ADAP1: variants seen among roughly 807,000 people sequenced by gnomAD.
The protein encoded by ADAP1 is arf-GAP with dual PH domain-containing protein 1.
ADAP1 carries 31 observed loss-of-function variants against 54.9 expected under a neutral mutation model. That is an observed-to-expected ratio of 0.56 (90% CI 0.42 to 0.76). The LOEUF (loss-of-function observed/expected upper bound fraction) is 0.76, where lower values mean the gene tolerates loss of function less well. Ranked by LOEUF, ADAP1 falls within the 30% of genes least tolerant of loss-of-function variation. The pLI is 0.00. For missense variants in ADAP1, 535 were observed against 512.4 expected (o/e 1.04, Z -0.42); for synonymous variants, 313 against 202.6 (o/e 1.55, Z -4.63).
At chr7:921,584 C>G (rs10807831) in intron 3 of ADAP1, among the ~76,000 whole-genome samples, 132,577 of 152,278 alleles carry the variant, frequency 0.87, 57,991 homozygotes, top group East Asian at 0.97. Context: ...TACAGGGCTG[C>G]GATTACAGGT....
chr7:899,669 C>T (rs1044161667), intron 8 of ADAP1, among the ~76,000 whole-genome samples, 179 bp from the exon 9 acceptor site: 5 of 152,204 alleles, frequency 3.3e-5, no homozygotes, highest in African/African-American at 9.6e-5. Context: ...CCTCCAGCCT[C>T]CACACGGCAC....
chr7:914,653 A>G (rs76406292), intron 4 of ADAP1, among the ~76,000 whole-genome samples: 2,158 of 152,268 alleles, frequency 0.014, 48 homozygotes, highest in African/African-American at 0.049. Flanking sequence ...CAAAGGGCAG[A>G]ACCTAGGGTT....
rs934372607 is a variant in ADAP1 at position 926,317 on chromosome 7, A to G, written c.305+236T>C. ...CAGCGAACCTGGGTGGGCTGTAGCT[A>G]CTGATGCACAATGACCTTCCCAGCC... is the stretch of plus-strand genomic sequence containing the variant. On this transcript the variant is annotated intron_variant, in intron 3 of 10. Transcript: ENST00000265846. The surrounding 1 kb of genome is among the most constrained non-coding windows in gnomAD (Gnocchi z 4.6). 6.4e-5 allele frequency among the ~76,000 whole-genome samples: 9 copies of G among 139,918 alleles called. No individual in the cohort carries two copies. The highest frequency in any genetic ancestry group is 2.1e-4 in the African/African-American group (8 of 38,016). The allele number at this position is 139,918 out of a possible 152,430, so 91.8% of individuals were successfully genotyped here. A position where few individuals can be genotyped will look rare whatever the true frequency, so the allele number is the denominator to read the frequency against.
In ADAP1 at chr7:910,374, C is replaced by T. The variant is rs570638624; in HGVS notation, c.389-5202G>A. 1.7e-4 allele frequency among the ~76,000 whole-genome samples: 26 copies of T among 152,210 alleles called. 1 individual carries two copies. Among genetic ancestry groups the T allele is most frequent in the Admixed American group, 1.4e-3 (21 of 15,292 alleles). On this transcript the variant is annotated intron_variant, in intron 4 of 10. Transcript: ENST00000265846. The stretch of plus-strand genomic sequence containing the variant: ...AAGTGATCCTCCAGCCTTGGCCTCC[C>T]GAGTAGCTGGGACCACAGATGCACG...
At chr7:939,806 G>C (rs1583182564) in intron 1 of ADAP1, among the ~76,000 whole-genome samples, 1 of 151,160 alleles carries the variant, frequency 6.6e-6, no homozygotes. Context: ...ACTCCAGCCT[G>C]GGCAACAGAG....
intron 1 of ADAP1, among the ~76,000 whole-genome samples, chr7:940,604 A>C (rs923653566): frequency 6.6e-6 from 1 of 152,204 alleles, no homozygotes; most frequent in Admixed American, 6.5e-5. Context: ...TGCTGGTAGA[A>C]ATACAAATTA....
At chr7:931,857 C>T (rs1846591937) in intron 2 of ADAP1, among the ~76,000 whole-genome samples, 1 of 152,100 alleles carries the variant, frequency 6.6e-6, no homozygotes, top group South Asian at 2.1e-4. Flanking sequence ...TCGGTCCGGT[C>T]CTCAGCAACG....
In ADAP1 at chr7:905,405, GA is replaced by G. The variant is rs1186780380; in HGVS notation, c.389-234del. On this transcript the variant is annotated intron_variant, in intron 4 of 10. Coordinates refer to ENST00000265846, the MANE Select transcript of ADAP1 (RefSeq NM_006869.4). Reference sequence around the variant, plus strand: ...AAAGGAGAAAGGAGAAAGGAGAAAGGAGAAAGGGAGAAAGAGAAAGGAGAAA... The same window carrying G: ...AAAGGAGAAAGGAGAAAGGAGAAAGGGAAAGGGAGAAAGAGAAAGGAGAAA... 6.4e-4 allele frequency: 139 copies of G among 215,596 alleles called. 21 individuals carry two copies. The East Asian group carries it at 7.0e-3, about 11-fold the overall frequency. The allele number at this position is 215,596 out of a possible 1,614,324, so 13.4% of individuals were successfully genotyped here.
chr7:903,572 G>A (rs956784750), intron 6 of ADAP1, among the ~76,000 whole-genome samples: 2 of 152,166 alleles, frequency 1.3e-5, no homozygotes, highest in Non-Finnish European at 2.9e-5. Context: ...TGCGCCCCCT[G>A]CAGCCTGGCC....
At position 899,142 on chromosome 7, in the gene ADAP1, C is replaced by T. The variant is rs200444305; in HGVS notation, c.987G>A (p.Thr329=). 189 of 1,610,536 alleles carry T rather than the reference C, an allele frequency of 1.2e-4. No individual in the cohort carries two copies. The highest frequency in any genetic ancestry group is 3.3e-4 in the Admixed American group (20 of 60,028). The change falls in exon 10 of 11, where the codon ACG becomes ACA. Residue 329 remains threonine (T), a synonymous_variant. Transcript: ENST00000265846. ...HHWPHGITIV[T]PDRKFLFACE... ...AGGCAAACAGAAACTTGCGGTCGGG[C>T]GTGACGATGGTGATGCCATGTGGCC...
At chr7:929,149 G>A (rs143270331) in intron 2 of ADAP1, among the ~76,000 whole-genome samples, 3,784 of 152,070 alleles carry the variant, frequency 0.025, 101 homozygotes, top group East Asian at 0.12. Context: ...AAAATTAGCC[G>A]GGCGTGGTGG....
chr7:900,630 T>TGGGCACAGGC lies in ADAP1; in HGVS notation c.649-24_649-15dup, dbSNP rs1554270296. 8.9e-5 allele frequency: 143 copies of TGGGCACAGGC among 1,598,760 alleles called. No individual in the cohort carries two copies. The highest frequency in any genetic ancestry group is 5.3e-4 in the Middle Eastern group (3 of 5,656). Reference sequence around the variant, plus strand: ...GTCCACAATCTCCTAGGGGCAAAGGTGGGCACAGGCTTGGGCTGAGGAGGC... The same window carrying TGGGCACAGGC: ...GTCCACAATCTCCTAGGGGCAAAGGTGGGCACAGGCGGGCACAGGCTTGGGCTGAGGAGGC... On this transcript the variant is annotated splice_polypyrimidine_tract_variant and intron_variant, in intron 6 of 10. Coordinates refer to ENST00000265846, the MANE Select transcript of ADAP1 (RefSeq NM_006869.4).
intron 4 of ADAP1, chr7:905,480 A>AGGGAGAAGGGAGAAGGGAGAAG (rs1562912029): frequency 1.2e-5 from 1 of 82,390 alleles, no homozygotes; most frequent in Non-Finnish European, 2.1e-5. Context: ...AGAAAGGGAA[A>AGGGAGAAGGGAGAAGGGAGAAG]GGAGAAAGGA....
intron 8 of ADAP1, among the ~76,000 whole-genome samples, chr7:899,770 C>T (rs1045498019): frequency 6.6e-5 from 10 of 151,990 alleles, no homozygotes; most frequent in African/African-American, 1.7e-4. Context: ...CTGCACTTCT[C>T]CTCCGGGACC....
chr7:918,886 G>A (rs1488887927), intron 4 of ADAP1, among the ~76,000 whole-genome samples: 1 of 152,336 alleles, frequency 6.6e-6, no homozygotes, highest in African/African-American at 2.4e-5. Context: ...AAGCCCCAGG[G>A]TTTAAATGAG....
intron 10 of ADAP1, 36 bp from the exon 11 acceptor site, chr7:898,985 CG>C: frequency 6.2e-7 from 1 of 1,610,316 alleles, no homozygotes; most frequent in Non-Finnish European, 8.5e-7. Flanking sequence ...GTCACAGCGG[CG>C]GGGAGCTGGG....
intron 6 of ADAP1, 198 bp from the exon 7 acceptor site, chr7:900,814 G>A (rs775957849): frequency 1.3e-4 from 82 of 643,922 alleles, no homozygotes; most frequent in Non-Finnish European, 2.0e-4. Context: ...GCTACACAGG[G>A]GCTGCCCCTC....
intron 4 of ADAP1, among the ~76,000 whole-genome samples, chr7:906,982 A>T (rs1845491740): frequency 6.6e-6 from 1 of 152,112 alleles, no homozygotes; most frequent in Non-Finnish European, 1.5e-5. Context: ...GGACATGGCC[A>T]GAGCCACCAT....
At chr7:901,437 T>A (rs1844808270) in intron 6 of ADAP1, 1 of 178,190 alleles carries the variant, frequency 5.6e-6, no homozygotes, top group African/African-American at 2.4e-5. Context: ...GGGAGCCCCA[T>A]CCCTCCTCAG....
Sources: gnomAD v4.1 joint callset for allele counts (sites outside exome capture counted in the v4.1 genomes callset) on GRCh38, gnomAD v4.1.1 for gene constraint, Gnocchi (gnomAD v3.1) non-coding constraint, MANE v1.5 for transcripts, NCBI Gene and HGNC (gene_info 2026-07-23, HGNC 2026-07-21) for gene names.